Variants in MYBPC1 observed in about 807,000 individuals in gnomAD.
The protein encoded by MYBPC1 is myosin binding protein C1.
A neutral mutation model predicts 147.1 loss-of-function variants in MYBPC1; 52 were observed. The observed-to-expected ratio is 0.35, with a 90% CI of 0.28 to 0.45. The LOEUF (loss-of-function observed/expected upper bound fraction) is 0.45. MYBPC1 is among the 20% of genes least tolerant of loss of function. The probability of loss-of-function intolerance (pLI) is 1.00; values close to 1 mark genes in which losing one functional copy is unlikely to be tolerated. For synonymous variants in MYBPC1, 477 were observed against 475.9 expected (o/e 1.00, Z -0.03); for missense variants, 1,228 against 1,440.3 (o/e 0.85, Z 2.39).
At chr12:101,678,378 A>AT in intron 28 of MYBPC1, 140 bp downstream of exon 28, 1 of 1,205,714 alleles carries the variant, frequency 8.3e-7, no homozygotes, top group Non-Finnish European at 1.2e-6. Context: ...GTGGTGGTAG[A>AT]TTATTAGGCA....
At chr12:101,649,731 T>A (rs1235493455) in intron 15 of MYBPC1, among the ~76,000 whole-genome samples, 1 of 152,208 alleles carries the variant, frequency 6.6e-6, no homozygotes, top group Non-Finnish European at 1.5e-5. Flanking sequence ...CATATCCTGA[T>A]AATGTTAGCT....
intron 6 of MYBPC1, among the ~76,000 whole-genome samples, chr12:101,629,919 A>G (rs978309346): frequency 3.2e-4 from 49 of 152,112 alleles, no homozygotes; most frequent in African/African-American, 1.2e-3. Context: ...AACATTAACC[A>G]TTTTAAAGTG....
At chr12:101,684,319 T>C (rs893879688) in intron 30 of MYBPC1, 63 bp from the exon 31 acceptor site, 2 of 1,275,398 alleles carry the variant, frequency 1.6e-6, no homozygotes, top group Non-Finnish European at 2.3e-6. Flanking sequence ...TACTCAAGTT[T>C]GGTGTTAGCA....
At chr12:101,613,976 T>C (rs750222493) in intron 1 of MYBPC1, among the ~76,000 whole-genome samples, 2 of 152,216 alleles carry the variant, frequency 1.3e-5, no homozygotes, top group Non-Finnish European at 2.9e-5. Context: ...AGTGGTGCTC[T>C]TGCTTTCTGG....
chr12:101,653,115 A>T lies in MYBPC1; in HGVS notation c.1634A>T (p.Asp545Val). 1.2e-6 allele frequency: 2 copies of T among 1,613,704 alleles called. No individual in the cohort carries two copies. The highest frequency in any genetic ancestry group is 1.7e-6 in the Non-Finnish European group (2 of 1,179,814). ...VTLPAKVHVI[D>V]PPKIILDGLD... ...ACAAAGACTATGCTTAATATTCTAG[A>T]TCCTCCTAAGATCATCCTGGATGGT... Residue 545 changes from aspartate (D) to valine (V), a missense_variant and splice_region_variant, in exon 18 of 32, where the codon GAT (aspartate) becomes GTT (valine). By Grantham distance (152) the Asp-to-Val change is radical (BLOSUM62 -3). Around this residue, in one of 2 missense-constraint regions of MYBPC1, gnomAD observed 1,077 missense variants for 1,314.2 expected, o/e 0.82. Coordinates refer to ENST00000361466, the MANE Select transcript of MYBPC1 (RefSeq NM_002465.4).
At chr12:101,628,486 A>G (rs17031719) in intron 5 of MYBPC1, among the ~76,000 whole-genome samples, 22,866 of 152,174 alleles carry the variant, frequency 0.15, 1,909 homozygotes, top group East Asian at 0.32. Context: ...TACTACAGAT[A>G]GAAATATCAA....
rs754720391 is a variant in MYBPC1, at chr12:101,648,092, T to C, written c.1138T>C (p.Cys380Arg). 1.2e-6 allele frequency: 2 copies of C among 1,613,278 alleles called. No individual in the cohort carries two copies. Among genetic ancestry groups the C allele is most frequent in the Non-Finnish European group, 1.7e-6 (2 of 1,179,352 alleles). The change falls in exon 14 of 32, where the codon TGT becomes CGT. Residue 380 changes from cysteine to arginine, a missense_variant. Transcript: ENST00000361466. ...ACAGCTGGAAGATACAACTGCTTATTGTGGGGAGAGAGTGGAATTAGAATG... is the reference window on the plus strand; with the variant it reads ...ACAGCTGGAAGATACAACTGCTTATCGTGGGGAGAGAGTGGAATTAGAATG... ...TKQLEDTTAY[C>R]GERVELECEV... is the part of the protein sequence containing the mutation.
At position 101,595,115 on chromosome 12, in the gene MYBPC1, CT is replaced by C; in HGVS notation, c.25+25del. The C allele has an allele frequency of 6.2e-7, 1 of 1,602,822 alleles. No individual in the cohort carries two copies. On this transcript the variant is annotated intron_variant, in intron 1 of 31. Transcript: ENST00000361466. ...AAGAGGGTAAGACTTATCTAGAAATCTTTTTGTTGTACTCCTGAATAAAGTG... is the reference window on the plus strand; with the variant it reads ...AAGAGGGTAAGACTTATCTAGAAATCTTTTGTTGTACTCCTGAATAAAGTG...
chr12:101,617,084 C>A (rs1398018213), intron 2 of MYBPC1, 118 bp from the exon 3 acceptor site: 4 of 850,286 alleles, frequency 4.7e-6, no homozygotes, highest in Admixed American at 4.1e-5. Flanking sequence ...TATTCAGTAT[C>A]ATTTATGACC....
chr12:101,636,984 G>T (rs1034268213), intron 10 of MYBPC1: 5 of 192,938 alleles, frequency 2.6e-5, no homozygotes, highest in Non-Finnish European at 4.4e-5. Flanking sequence ...TTTAAATGGG[G>T]ACGAAGAGAT....
chr12:101,666,086 C>T (rs987905488), intron 22 of MYBPC1: 1 of 156,670 alleles, frequency 6.4e-6, no homozygotes, highest in Non-Finnish European at 1.4e-5. Flanking sequence ...TGCCCAAGAC[C>T]ACCCTGTGAG....
At chr12:101,637,321 A>G (rs993536893) in intron 10 of MYBPC1, among the ~76,000 whole-genome samples, 6 of 152,096 alleles carry the variant, frequency 3.9e-5, no homozygotes, top group African/African-American at 1.4e-4. Flanking sequence ...ATCATCACAC[A>G]CTGACACTTT....
In MYBPC1 at chr12:101,673,550, T is replaced by G; in HGVS notation, c.2737T>G (p.Ser913Ala). The G allele has an allele frequency of 3.7e-6, 6 of 1,614,106 alleles. No individual in the cohort carries two copies. Among genetic ancestry groups the G allele is most frequent in the Non-Finnish European group, 4.2e-6 (5 of 1,179,992 alleles). The change falls in exon 25 of 32, where the codon TCT becomes GCT. Residue 913 changes from serine (S) to alanine (A), a missense_variant. By Grantham distance (99) the Ser-to-Ala change is moderately conservative. This residue lies in a region of MYBPC1 where 1,077 missense variants were observed against 1,314.2 expected (regional missense o/e 0.82). Coordinates refer to ENST00000361466, the MANE Select transcript of MYBPC1 (RefSeq NM_002465.4). Reference sequence around the variant, plus strand: ...TATTAGAAAAGCAGAGAGGAGCCACTCTGGGAAATATGATCTGCAAGTCAA... The same window carrying G: ...TATTAGAAAAGCAGAGAGGAGCCACGCTGGGAAATATGATCTGCAAGTCAA... ...IFIRKAERSH[S>A]GKYDLQVKVD...
intron 1 of MYBPC1, among the ~76,000 whole-genome samples, chr12:101,608,316 T>G (rs1883031661): frequency 1.3e-5 from 2 of 152,360 alleles, no homozygotes; most frequent in Non-Finnish European, 2.9e-5. Flanking sequence ...TGGGCTTATT[T>G]TTTTCAAAAA....
At chr12:101,641,130 A>C (rs1891942958) in intron 10 of MYBPC1, among the ~76,000 whole-genome samples, 1 of 151,446 alleles carries the variant, frequency 6.6e-6, no homozygotes, top group South Asian at 2.1e-4. Context: ...AAAAAAAAAA[A>C]AAAAGAAGGC....
chr12:101,678,358 G>A (rs1204692574), intron 28 of MYBPC1, 120 bp downstream of exon 28: 13 of 1,403,286 alleles, frequency 9.3e-6, no homozygotes, highest in Middle Eastern at 1.8e-4. Context: ...TGGGGGATTA[G>A]AAGGTGGTAG....
chr12:101,663,284 T>C, intron 21 of MYBPC1, 142 bp from the exon 22 acceptor site: 1 of 774,466 alleles, frequency 1.3e-6, no homozygotes, highest in Non-Finnish European at 2.3e-6. Flanking sequence ...ACATCCATGC[T>C]CAAGGTGTCT....
rs771185673 is a variant in MYBPC1 at position 101,667,775 on chromosome 12, G to A, written c.2400G>A (p.Thr800=). 3 of 1,614,134 alleles carry A rather than the reference G, an allele frequency of 1.9e-6. No individual in the cohort carries two copies. The highest frequency in any genetic ancestry group is 1.1e-5 in the South Asian group (1 of 91,080). Residue 800 remains threonine, a synonymous_variant, in exon 23 of 32, where the codon ACG becomes ACA. Transcript: ENST00000361466. ...IVANKDLIDK[T]KFTITGLPTD... Reference sequence around the variant, plus strand: ...CAAACAAAGATCTGATTGACAAGACGAAGTTCACCATCACAGGTCTGCCAA... The same window carrying A: ...CAAACAAAGATCTGATTGACAAGACAAAGTTCACCATCACAGGTCTGCCAA...
chr12:101,658,115 A>G (rs1404315890), intron 18 of MYBPC1, among the ~76,000 whole-genome samples: 2 of 140,288 alleles, frequency 1.4e-5, no homozygotes, highest in Non-Finnish European at 3.0e-5. Context: ...TGGGCGACAG[A>G]GCGAGACTCC....
Sources: allele counts gnomAD v4.1 joint callset (sites outside exome capture counted in the v4.1 genomes callset), GRCh38; gene constraint gnomAD v4.1.1; regional missense constraint gnomAD v4.1.1; transcripts MANE v1.5; gene names NCBI Gene and HGNC (gene_info 2026-07-23, HGNC 2026-07-21).